The following RIMS1 variants were observed in gnomAD, a reference collection of about 807,000 sequenced individuals.
RIMS1 encodes regulating synaptic membrane exocytosis 1, also known as regulating synaptic membrane exocytosis protein 1.
A neutral mutation model predicts 214.1 loss-of-function variants in RIMS1; 83 were observed. The ratio of observed to expected loss-of-function variants is 0.39; its 90% confidence interval spans 0.32 to 0.47. RIMS1 has a LOEUF of 0.47. RIMS1 is among the 20% of genes least tolerant of loss of function. The pLI is 0.99. For missense variants in RIMS1, 2,050 were observed against 2,161.8 expected, an observed-to-expected ratio of 0.95 and a Z score of 1.03; for synonymous variants, 793 against 786.8, an observed-to-expected ratio of 1.01 and a Z score of -0.13.
chr6:72,316,056 G>A (rs1157698654), intron 28 of RIMS1, among the ~76,000 whole-genome samples: 3 of 151,998 alleles, frequency 2.0e-5, no homozygotes, highest in East Asian at 1.9e-4. Context: ...TTCCTATCAT[G>A]TGTAAGGACT....
intron 1 of RIMS1, among the ~76,000 whole-genome samples, chr6:71,964,686 A>G (rs532073889): frequency 2.9e-4 from 43 of 149,962 alleles, no homozygotes; most frequent in African/African-American, 5.9e-4. Context: ...GGTTTAGGGG[A>G]AAAAAAAAAT....
intron 29 of RIMS1, among the ~76,000 whole-genome samples, chr6:72,354,745 A>G (rs1254904491): frequency 6.6e-6 from 1 of 152,158 alleles, no homozygotes; most frequent in Non-Finnish European, 1.5e-5. Context: ...AACCCATAGA[A>G]CATCTACCCA....
At chr6:72,180,986 T>C (rs1397416167) in intron 5 of RIMS1, among the ~76,000 whole-genome samples, 1 of 152,182 alleles carries the variant, frequency 6.6e-6, no homozygotes, top group Non-Finnish European at 1.5e-5. Context: ...TCAGTGAATG[T>C]AGCTATTATT....
At chr6:72,274,655 T>G (rs1031706776) in intron 23 of RIMS1, among the ~76,000 whole-genome samples, 1 of 152,222 alleles carries the variant, frequency 6.6e-6, no homozygotes, top group Admixed American at 6.5e-5. Context: ...CAGGATCCAT[T>G]GAAAGGATGT....
intron 2 of RIMS1, among the ~76,000 whole-genome samples, chr6:72,030,036 G>A (rs759386185): frequency 1.3e-5 from 2 of 152,190 alleles, no homozygotes; most frequent in East Asian, 1.9e-4. Flanking sequence ...AGATGCCAAA[G>A]GAAGACTAAA....
At chr6:71,971,389 A>G (rs894319380) in intron 2 of RIMS1, among the ~76,000 whole-genome samples, 2 of 152,146 alleles carry the variant, frequency 1.3e-5, no homozygotes, top group African/African-American at 4.8e-5. Flanking sequence ...TATGAGAAGG[A>G]GACATTTCAA....
chr6:72,200,085 C>A (rs1345310744), intron 6 of RIMS1, among the ~76,000 whole-genome samples: 2 of 151,952 alleles, frequency 1.3e-5, no homozygotes, highest in African/African-American at 4.8e-5. Context: ...TCTAATATTT[C>A]TTTTATTAAA....
chr6:71,896,998 C>T (rs1323959399), intron 1 of RIMS1, among the ~76,000 whole-genome samples: 1 of 152,130 alleles, frequency 6.6e-6, no homozygotes, highest in Non-Finnish European at 1.5e-5. Context: ...TTAAATTTCT[C>T]TACCTGAGTG....
chr6:72,139,338 C>T (rs950161895), intron 4 of RIMS1, among the ~76,000 whole-genome samples: 4 of 152,168 alleles, frequency 2.6e-5, no homozygotes, highest in African/African-American at 9.7e-5. Flanking sequence ...GTTTCCTATA[C>T]CTAGAATGAC....
chr6:72,153,669 C>T (rs1260417523), intron 4 of RIMS1, among the ~76,000 whole-genome samples: 1 of 152,124 alleles, frequency 6.6e-6, no homozygotes, highest in Non-Finnish European at 1.5e-5. Context: ...AGCTTGTGCA[C>T]TTACTGCGCT....
At chr6:72,373,542 T>C (rs1199654685) in intron 29 of RIMS1, among the ~76,000 whole-genome samples, 1 of 152,198 alleles carries the variant, frequency 6.6e-6, no homozygotes, top group Non-Finnish European at 1.5e-5. Flanking sequence ...GCCTTGAGAG[T>C]AATAAGCAAA....
chr6:71,946,867 G>C (rs1787975064), intron 1 of RIMS1, among the ~76,000 whole-genome samples: 1 of 151,902 alleles, frequency 6.6e-6, no homozygotes, highest in Non-Finnish European at 1.5e-5. Flanking sequence ...GGGTTTTAGA[G>C]AATATATTTG....
intron 2 of RIMS1, among the ~76,000 whole-genome samples, chr6:72,096,704 CAG>C (rs2031844742): frequency 6.6e-6 from 1 of 152,132 alleles, no homozygotes; most frequent in African/African-American, 2.4e-5. Context: ...TGGCGACAAA[CAG>C]GGCTTATGTA....
At chr6:71,979,084 T>G (rs1797845262) in intron 2 of RIMS1, among the ~76,000 whole-genome samples, 1 of 152,134 alleles carries the variant, frequency 6.6e-6, no homozygotes, top group African/African-American at 2.4e-5. Flanking sequence ...ATAGCTATTT[T>G]AATGATAATA....
intron 1 of RIMS1, among the ~76,000 whole-genome samples, chr6:71,889,627 C>A (rs1055211945): frequency 6.6e-6 from 1 of 151,998 alleles, no homozygotes; most frequent in African/African-American, 2.4e-5. Context: ...ATATTGTCTG[C>A]AATTAGTGGA....
intron 29 of RIMS1, among the ~76,000 whole-genome samples, chr6:72,375,127 G>A (rs1319680406): frequency 6.6e-6 from 1 of 152,166 alleles, no homozygotes; most frequent in Non-Finnish European, 1.5e-5. Flanking sequence ...CCACAGACTG[G>A]TACCAGTCCA....
At chr6:72,225,593 G>T (rs1461463305) in intron 6 of RIMS1, among the ~76,000 whole-genome samples, 1 of 152,030 alleles carries the variant, frequency 6.6e-6, no homozygotes, top group Non-Finnish European at 1.5e-5. Context: ...TAAACCTATG[G>T]TTAACATCCA....
chr6:71,922,791 G>A (rs1485541275), intron 1 of RIMS1, among the ~76,000 whole-genome samples: 1 of 152,196 alleles, frequency 6.6e-6, no homozygotes, highest in Non-Finnish European at 1.5e-5. Context: ...GATGTTAGTA[G>A]ATGTTAGCAG....
At chr6:72,311,616 G>T (rs1177585996) in intron 27 of RIMS1, among the ~76,000 whole-genome samples, 1 of 151,904 alleles carries the variant, frequency 6.6e-6, no homozygotes, top group African/African-American at 2.4e-5. Flanking sequence ...AAAAATCCTT[G>T]GGAAAACTAA....
Sources: gnomAD v4.1 joint callset for allele counts (sites outside exome capture counted in the v4.1 genomes callset) on GRCh38, gnomAD v4.1.1 for gene constraint, MANE v1.5 for transcripts, NCBI Gene and HGNC (gene_info 2026-07-23, HGNC 2026-07-21) for gene names.